Variants in NEXMIF observed in about 807,000 individuals in gnomAD.
The protein encoded by NEXMIF is neurite extension and migration factor, also known as XLMR protein related to neurite extension.
A neutral mutation model predicts 62.1 loss-of-function variants in NEXMIF; 8 were observed. The ratio of observed to expected loss-of-function variants is 0.13; its 90% confidence interval spans 0.08 to 0.23. The LOEUF (loss-of-function observed/expected upper bound fraction) is 0.23, where lower values mean the gene tolerates loss of function less well. NEXMIF is among the 10% of genes least tolerant of loss of function. The probability of loss-of-function intolerance (pLI) is 1.00; values close to 1 mark genes in which losing one functional copy is unlikely to be tolerated. For synonymous variants in NEXMIF, 404 were observed against 416.6 expected, an observed-to-expected ratio of 0.97 and a Z score of 0.37; for missense variants, 976 against 1,113.3, an observed-to-expected ratio of 0.88 and a Z score of 1.75.
intron 1 of NEXMIF, among the ~76,000 whole-genome samples, chrX:74,880,758 T>C (rs1350199809): frequency 2.7e-5 from 3 of 111,967 alleles, no homozygotes; most frequent in African/African-American, 9.7e-5. Flanking sequence ...GGAGCCAAAA[T>C]ACAAAACTGC....
chrX:74,819,670 TAA>T (rs1569349317), intron 1 of NEXMIF, among the ~76,000 whole-genome samples: 1 of 111,753 alleles, frequency 8.9e-6, no homozygotes. Context: ...TGGCGATCAT[TAA>T]AAAGTCAGGA....
intron 1 of NEXMIF, among the ~76,000 whole-genome samples, chrX:74,830,724 T>G (rs777645474): frequency 8.9e-6 from 1 of 112,288 alleles, no homozygotes; most frequent in Non-Finnish European, 1.9e-5. Flanking sequence ...CTCTTCAATT[T>G]CTTTCATCAG....
intron 1 of NEXMIF, among the ~76,000 whole-genome samples, chrX:74,787,442 C>A (rs2080264738): frequency 9.0e-6 from 1 of 111,454 alleles, no homozygotes; most frequent in South Asian, 3.8e-4. Context: ...ACTTTTTGGT[C>A]TGGGTTTCAG....
intron 1 of NEXMIF, among the ~76,000 whole-genome samples, chrX:74,887,104 A>G (rs1780848845): frequency 8.9e-6 from 1 of 112,593 alleles, no homozygotes; most frequent in African/African-American, 3.2e-5. Flanking sequence ...CAGATGTAGA[A>G]AGCTGAAACT....
intron 1 of NEXMIF, among the ~76,000 whole-genome samples, chrX:74,794,949 G>A (rs1254692444): frequency 8.9e-6 from 1 of 111,801 alleles, no homozygotes; most frequent in Non-Finnish European, 1.9e-5. Flanking sequence ...TGTTGCTCAC[G>A]CTGGGAGCTG....
chrX:74,784,292 A>G (rs1179846988), intron 1 of NEXMIF, among the ~76,000 whole-genome samples: 1 of 111,879 alleles, frequency 8.9e-6, no homozygotes, highest in Non-Finnish European at 1.9e-5. Context: ...CCAAAACTCC[A>G]CAGTGCGTAG....
chrX:74,821,063 G>C (rs2080393707), intron 1 of NEXMIF, among the ~76,000 whole-genome samples: 1 of 109,715 alleles, frequency 9.1e-6, no homozygotes, highest in African/African-American at 3.3e-5. Context: ...AATTTTTTTT[G>C]CAGAGAGAGT....
Position 74,741,014 on chromosome X carries a change from G to T in NEXMIF, c.3543C>A (p.Pro1181=). The T allele has an allele frequency of 8.3e-7, 1 of 1,211,097 alleles. No homozygotes were observed. Among genetic ancestry groups the T allele is most frequent in the Non-Finnish European group, 1.1e-6 (1 of 895,024 alleles). Residue 1181 remains proline (P), a synonymous_variant, in exon 3 of 4, where the codon CCC becomes CCA. Coordinates refer to ENST00000055682, the MANE Select transcript of NEXMIF (RefSeq NM_001008537.3). ...KVSKSRKKSS[P]SKSGAMNQSS... is the part of the protein sequence containing the mutation. ...TTTGGTTCATAGCCCCACTCTTGCT[G>T]GGTGAACTTTTCTTTCTTGATTTTG...
chrX:74,801,857 G>C (rs916881804), intron 1 of NEXMIF, among the ~76,000 whole-genome samples: 4 of 112,086 alleles, frequency 3.6e-5, no homozygotes, highest in African/African-American at 1.3e-4. Flanking sequence ...TCTGAAACCA[G>C]GTAGTATTCA....
rs748911096 is a variant in NEXMIF at position 74,755,331 on chromosome X, C to T, written c.-47-9634G>A. Reference sequence around the variant, plus strand: ...CAGAAGTGAGAAACACAAGCTGTAGCCTCAAAGCACTTACAATCTTAGAGA... The same window carrying T: ...CAGAAGTGAGAAACACAAGCTGTAGTCTCAAAGCACTTACAATCTTAGAGA... On this transcript the variant is annotated intron_variant, in intron 1 of 3. Transcript: ENST00000055682. Among the ~76,000 whole-genome samples, 3 of 111,742 alleles carry T rather than the reference C, an allele frequency of 2.7e-5. No individual in the cohort carries two copies. In the South Asian group the frequency reaches 1.2e-3, roughly 43 times the overall value.
intron 1 of NEXMIF, among the ~76,000 whole-genome samples, chrX:74,838,893 A>G (rs1490805068): frequency 8.9e-6 from 1 of 112,139 alleles, no homozygotes; most frequent in Admixed American, 9.4e-5. Context: ...TAAGCCTACA[A>G]TTTTAATTCC....
chrX:74,866,070 C>A (rs559017569), intron 1 of NEXMIF, among the ~76,000 whole-genome samples: 1 of 111,175 alleles, frequency 9.0e-6, no homozygotes, highest in South Asian at 3.8e-4. Context: ...GTAGATCTGC[C>A]GACAGCTTGC....
intron 1 of NEXMIF, among the ~76,000 whole-genome samples, chrX:74,749,769 T>TA (rs749598122): frequency 1.8e-5 from 2 of 111,634 alleles, no homozygotes; most frequent in Non-Finnish European, 3.8e-5. Flanking sequence ...TTTATCATCT[T>TA]ATACAAGCTT....
intron 1 of NEXMIF, among the ~76,000 whole-genome samples, chrX:74,916,316 C>G (rs999837179): frequency 3.0e-4 from 33 of 111,733 alleles, no homozygotes; most frequent in African/African-American, 1.0e-3. Flanking sequence ...CTTGTCTCAA[C>G]CCAGCTAGAG....
At chrX:74,756,037 G>A (rs2080158128) in intron 1 of NEXMIF, among the ~76,000 whole-genome samples, 1 of 110,936 alleles carries the variant, frequency 9.0e-6, no homozygotes, top group Non-Finnish European at 1.9e-5. Flanking sequence ...CACCATACCC[G>A]ACTAATTTTT....
chrX:74,875,185 TGA>T (rs559798955), intron 1 of NEXMIF, among the ~76,000 whole-genome samples: 2 of 111,096 alleles, frequency 1.8e-5, no homozygotes, highest in South Asian at 7.7e-4. Context: ...CCTAATTTAT[TGA>T]GAGTTTTTAG....
chrX:74,904,670 T>C (rs1423005303), intron 1 of NEXMIF, among the ~76,000 whole-genome samples: 1 of 111,540 alleles, frequency 9.0e-6, no homozygotes, highest in African/African-American at 3.3e-5. Context: ...ATTTTTACGA[T>C]GAAAAATTGC....
chrX:74,793,054 C>T (rs1345334365), intron 1 of NEXMIF, among the ~76,000 whole-genome samples: 1 of 109,330 alleles, frequency 9.1e-6, no homozygotes, highest in Non-Finnish European at 1.9e-5. Flanking sequence ...TTAGTTGATG[C>T]AGTTTCTTCC....
intron 1 of NEXMIF, among the ~76,000 whole-genome samples, chrX:74,880,948 C>G (rs1306253517): frequency 9.0e-6 from 1 of 111,173 alleles, no homozygotes; most frequent in Non-Finnish European, 1.9e-5. Context: ...AAACAACGAT[C>G]ATGAACACTG....
Sources: gnomAD v4.1 joint callset for allele counts (sites outside exome capture counted in the v4.1 genomes callset) on GRCh38, gnomAD v4.1.1 for gene constraint, MANE v1.5 for transcripts, NCBI Gene and HGNC (gene_info 2026-07-23, HGNC 2026-07-21) for gene names.